CACNA2D3: variants seen among roughly 807,000 people sequenced by gnomAD.
CACNA2D3 encodes calcium voltage-gated channel auxiliary subunit alpha2delta 3, also known as voltage-dependent calcium channel subunit alpha-2/delta-3.
In CACNA2D3, 60 loss-of-function variants were observed where a neutral mutation model predicts 160.6. The observed-to-expected ratio is 0.37, with a 90% CI of 0.30 to 0.46. The LOEUF (loss-of-function observed/expected upper bound fraction) is 0.46, where lower values mean the gene tolerates loss of function less well. Among genes scored for constraint, CACNA2D3 ranks in the 20% least tolerant of loss-of-function variants. The probability of loss-of-function intolerance (pLI) is 1.00; values close to 1 mark genes in which losing one functional copy is unlikely to be tolerated. For synonymous variants in CACNA2D3, 558 were observed against 492.9 expected (o/e 1.13, Z -1.75); for missense variants, 1,205 against 1,365.0 (o/e 0.88, Z 1.85).
chr3:54,331,065 A>G (rs902046816), intron 3 of CACNA2D3, among the ~76,000 whole-genome samples: 1 of 152,172 alleles, frequency 6.6e-6, no homozygotes, highest in Admixed American at 6.5e-5. Context: ...GAATTTCGTC[A>G]TTGGAGATGG....
intron 3 of CACNA2D3, among the ~76,000 whole-genome samples, chr3:54,374,945 G>A (rs1048555629): frequency 1.3e-5 from 2 of 151,996 alleles, no homozygotes; most frequent in Admixed American, 6.6e-5. Flanking sequence ...CCCTGCCCCC[G>A]ACACAGGCTC....
chr3:54,436,547 G>C (rs565390451), intron 4 of CACNA2D3, among the ~76,000 whole-genome samples: 3 of 152,318 alleles, frequency 2.0e-5, no homozygotes, highest in African/African-American at 7.2e-5. Context: ...ATCAATGATA[G>C]ACTGGCTAAA....
chr3:54,320,136 A>G (rs1375735297), intron 2 of CACNA2D3, among the ~76,000 whole-genome samples: 1 of 152,218 alleles, frequency 6.6e-6, no homozygotes, highest in Non-Finnish European at 1.5e-5. Context: ...GTCTTTAGTG[A>G]GAATTTGAGT....
intron 5 of CACNA2D3, among the ~76,000 whole-genome samples, chr3:54,547,496 A>G (rs112787453): frequency 2.3e-3 from 346 of 152,030 alleles, no homozygotes; most frequent in African/African-American, 7.5e-3. Flanking sequence ...TCTCAGGCCA[A>G]TTTCTGACTC....
At chr3:54,888,168 T>A (rs1343918122) in intron 24 of CACNA2D3, 116 bp downstream of exon 24, 5 of 826,060 alleles carry the variant, frequency 6.1e-6, no homozygotes, top group African/African-American at 1.7e-5. Context: ...GTTCTTTAAT[T>A]TTCCCCCAAG....
rs555871995 is a variant in CACNA2D3, at chr3:55,071,714, A to C, written c.2988-1731A>C. Among the ~76,000 whole-genome samples the C allele has an allele frequency of 3.3e-5, 5 of 152,312 alleles. No individual in the cohort carries two copies. In the East Asian group the frequency reaches 9.7e-4, roughly 29 times the overall value. Reference sequence around the variant, plus strand: ...TACTCATGTTTCAGTGGGCTCACTCATTGAAAAGAATTGGATTTGTTTTTT... The same window carrying C: ...TACTCATGTTTCAGTGGGCTCACTCCTTGAAAAGAATTGGATTTGTTTTTT... On this transcript the variant is annotated intron_variant, in intron 35 of 37. Coordinates refer to ENST00000474759, the MANE Select transcript of CACNA2D3 (RefSeq NM_018398.3).
At chr3:54,328,008 G>A (rs1418557265) in intron 3 of CACNA2D3, among the ~76,000 whole-genome samples, 1 of 152,172 alleles carries the variant, frequency 6.6e-6, no homozygotes, top group Non-Finnish European at 1.5e-5. Flanking sequence ...CATCCGTAGT[G>A]TTTCACGGTT....
rs187033110 is a variant in CACNA2D3 at position 54,488,734 on chromosome 3, A to C, written c.382-14758A>C. On this transcript the variant is annotated intron_variant, in intron 4 of 37. Coordinates refer to ENST00000474759, the MANE Select transcript of CACNA2D3 (RefSeq NM_018398.3). The stretch of plus-strand genomic sequence containing the variant: ...GTATTGTATTAGATACCGAGATTAC[A>C]GTGGCACAGGAAGAAACAGCTATGC... Among the ~76,000 whole-genome samples, 5 of 152,298 alleles carry C rather than the reference A, an allele frequency of 3.3e-5. No individual in the cohort carries two copies. The East Asian group carries it at 9.7e-4, about 29-fold the overall frequency.
chr3:55,068,179 G>GC (rs1704713173), intron 35 of CACNA2D3, among the ~76,000 whole-genome samples: 1 of 152,204 alleles, frequency 6.6e-6, no homozygotes, highest in African/African-American at 2.4e-5. Context: ...TTGGAGAGGT[G>GC]CAAGGGCAAG....
At chr3:54,375,317 T>A (rs1449331) in intron 3 of CACNA2D3, among the ~76,000 whole-genome samples, 1 of 151,978 alleles carries the variant, frequency 6.6e-6, no homozygotes. Flanking sequence ...TATTCCCAGA[T>A]GAACACAGTG....
chr3:54,885,285 G>C lies in CACNA2D3; in HGVS notation c.1917G>C (p.Leu639=). The stretch of plus-strand genomic sequence containing the variant: ...CCCCTTCTCCTTGACCCCCAGGCCT[G>C]CATGACTTAGAACATCCCGATGTGT... ...FRGNVTIEEG[L]HDLEHPDVSL... Residue 639 remains leucine, a synonymous_variant, in exon 22 of 38, where the codon CTG becomes CTC. Transcript: ENST00000474759. The C allele has an allele frequency of 1.2e-6, 2 of 1,613,882 alleles. No individual in the cohort carries two copies. Among genetic ancestry groups the C allele is most frequent in the African/African-American group, 2.7e-5 (2 of 75,034 alleles).
intron 27 of CACNA2D3, among the ~76,000 whole-genome samples, chr3:54,912,203 A>G (rs1394582658): frequency 1.3e-5 from 2 of 152,202 alleles, no homozygotes; most frequent in East Asian, 3.9e-4. Flanking sequence ...GACAAGCAAG[A>G]GAGAGTGAGC....
At chr3:54,601,175 C>T (rs931289396) in intron 9 of CACNA2D3, among the ~76,000 whole-genome samples, 2 of 152,082 alleles carry the variant, frequency 1.3e-5, no homozygotes, top group Admixed American at 6.5e-5. Context: ...CTTGGCTGGG[C>T]CTAAGAATCT....
At chr3:54,947,717 T>C (rs1701649978) in intron 27 of CACNA2D3, among the ~76,000 whole-genome samples, 1 of 152,158 alleles carries the variant, frequency 6.6e-6, no homozygotes, top group South Asian at 2.1e-4. Flanking sequence ...GACTCGGTCT[T>C]GGGAACAGAA....
chr3:54,211,725 G>A (rs544292868), intron 2 of CACNA2D3, among the ~76,000 whole-genome samples: 13 of 152,168 alleles, frequency 8.5e-5, no homozygotes, highest in South Asian at 4.2e-4. Flanking sequence ...GTTCTCTGTC[G>A]TTTGCTTCTT....
intron 27 of CACNA2D3, among the ~76,000 whole-genome samples, chr3:54,929,662 G>A (rs1701136084): frequency 6.6e-6 from 1 of 152,026 alleles, no homozygotes; most frequent in African/African-American, 2.4e-5. Flanking sequence ...ACATACAATG[G>A]GCAAAAGTCA....
intron 9 of CACNA2D3, among the ~76,000 whole-genome samples, chr3:54,593,432 G>A (rs562808517): frequency 2.0e-5 from 3 of 151,938 alleles, no homozygotes; most frequent in African/African-American, 7.2e-5. Context: ...GGAGAGACGA[G>A]GAAAGAAGAG....
At chr3:54,723,418 C>T (rs1174170891) in intron 11 of CACNA2D3, among the ~76,000 whole-genome samples, 1 of 152,174 alleles carries the variant, frequency 6.6e-6, no homozygotes, top group African/African-American at 2.4e-5. Context: ...GTCTTGCTGG[C>T]ATTCCAGGCG....
chr3:54,934,220 C>T (rs2106964081), intron 27 of CACNA2D3, among the ~76,000 whole-genome samples: 1 of 152,290 alleles, frequency 6.6e-6, no homozygotes, highest in East Asian at 1.9e-4. Flanking sequence ...TAGTTGTATT[C>T]ATTTTATGCC....
Sources: allele counts gnomAD v4.1 joint callset (sites outside exome capture counted in the v4.1 genomes callset), GRCh38; gene constraint gnomAD v4.1.1; transcripts MANE v1.5; gene names NCBI Gene and HGNC (gene_info 2026-07-23, HGNC 2026-07-21).